The following PCDHGA12 variants were observed in gnomAD, a reference collection of about 807,000 sequenced individuals.
PCDHGA12 encodes the protein protocadherin gamma subfamily A, 12.
In PCDHGA12, 43 loss-of-function variants were observed where a neutral mutation model predicts 61.1. The ratio of observed to expected loss-of-function variants is 0.70; its 90% CI spans 0.55 to 0.91. PCDHGA12 has a LOEUF of 0.91. Ranked by LOEUF, PCDHGA12 falls within the 40% of genes least tolerant of loss-of-function variation. The pLI is 0.00. For synonymous variants in PCDHGA12, 520 were observed against 542.9 expected, an observed-to-expected ratio of 0.96 and a Z score of 0.59; for missense variants, 1,236 against 1,227.7, an observed-to-expected ratio of 1.01 and a Z score of -0.10.
At chr5:141,453,178 A>G (rs939398654) in intron 1 of PCDHGA12, among the ~76,000 whole-genome samples, 1 of 152,128 alleles carries the variant, frequency 6.6e-6, no homozygotes, top group African/African-American at 2.4e-5. Flanking sequence ...CAGTGGTACA[A>G]TCACAGCTCA....
At chr5:141,433,264 G>T in intron 1 of PCDHGA12, 81 bp downstream of exon 1, 1 of 1,314,872 alleles carries the variant, frequency 7.6e-7, no homozygotes, top group South Asian at 1.4e-5. Flanking sequence ...TACGATCATA[G>T]CTCACTGCAG....
chr5:141,485,805 T>C lies in PCDHGA12; in HGVS notation c.2425-9002T>C, dbSNP rs753916789. ...GAGAAGCAATCGGACTACCGCCTGG[T>C]GCTGACTGCTGTCGATGGAGGGAAC... On this transcript the variant is annotated intron_variant, in intron 1 of 3. Coordinates refer to ENST00000252085, the MANE Select transcript of PCDHGA12 (RefSeq NM_003735.3). The surrounding 1 kb of genome is among the most constrained non-coding windows in gnomAD (Gnocchi z 5.7). 1.2e-6 allele frequency: 2 copies of C among 1,614,198 alleles called. No individual in the cohort carries two copies. The highest frequency in any genetic ancestry group is 1.7e-6 in the Non-Finnish European group (2 of 1,180,026).
At chr5:141,500,250 C>T (rs913074120) in intron 2 of PCDHGA12, among the ~76,000 whole-genome samples, 4 of 149,826 alleles carry the variant, frequency 2.7e-5, no homozygotes, top group African/African-American at 9.9e-5. Flanking sequence ...GCTCTGTCAC[C>T]CAGGCTGGAC....
At chr5:141,509,319 G>A (rs1427191152) in intron 3 of PCDHGA12, among the ~76,000 whole-genome samples, 3 of 152,216 alleles carry the variant, frequency 2.0e-5, no homozygotes, top group African/African-American at 4.8e-5. Context: ...TGGGAGAGAA[G>A]CTCTACTGCC....
chr5:141,478,700 C>T (rs1171617240), intron 1 of PCDHGA12: 2 of 1,549,172 alleles, frequency 1.3e-6, no homozygotes, highest in South Asian at 1.2e-5. Flanking sequence ...AAAGTTAGTG[C>T]CTTTGTGAGA....
At position 141,494,934 on chromosome 5, in the gene PCDHGA12, T is replaced by C. The variant is rs2099757666; in HGVS notation, c.2483+69T>C. On this transcript the variant is annotated intron_variant, in intron 2 of 3. Transcript: ENST00000252085. ...TTCTCAGGGATGACGTGGGAGGAGA[T>C]GGGGGAGGGCCCAGCATTTGCTACA... 5.6e-6 allele frequency: 9 copies of C among 1,612,736 alleles called. No individual in the cohort carries two copies. The South Asian group carries it at 7.7e-5, about 14-fold the overall frequency.
At chr5:141,506,898 T>C (rs2099857040) in intron 3 of PCDHGA12, among the ~76,000 whole-genome samples, 1 of 152,260 alleles carries the variant, frequency 6.6e-6, no homozygotes, top group East Asian at 1.9e-4. Context: ...AGAAGCACTG[T>C]CATCACACCT....
Position 141,485,063 on chromosome 5 carries a change from A to C in PCDHGA12, c.2425-9744A>C. On this transcript the variant is annotated intron_variant, in intron 1 of 3. Transcript: ENST00000252085. This position sits in a 1 kb window ranked among gnomAD's most constrained non-coding sequence, Gnocchi z 5.7. ...CTTGCGGCGCCGGCCGAACCGCGCC[A>C]GAGCTGGCGCGGGGAAAGGGAGATA... is the stretch of plus-strand genomic sequence containing the variant. 2 of 874,986 alleles carry C rather than the reference A, an allele frequency of 2.3e-6. No individual in the cohort carries two copies. Among genetic ancestry groups the C allele is most frequent in the Non-Finnish European group, 3.6e-6 (2 of 551,278 alleles). 54.2% of individuals were successfully genotyped at this position (874,986 alleles called of 1,614,324 possible).
chr5:141,466,115 C>A (rs2099117208), intron 1 of PCDHGA12, among the ~76,000 whole-genome samples: 1 of 151,618 alleles, frequency 6.6e-6, no homozygotes, highest in African/African-American at 2.4e-5. Context: ...GAGTGAGACT[C>A]CAGCTCAAAA....
chr5:141,487,516 G>A lies in PCDHGA12; in HGVS notation c.2425-7291G>A, dbSNP rs2099648095. On this transcript the variant is annotated intron_variant, in intron 1 of 3. Coordinates refer to ENST00000252085, the MANE Select transcript of PCDHGA12 (RefSeq NM_003735.3). The surrounding 1 kb of genome is among the most constrained non-coding windows in gnomAD (Gnocchi z 5.0). ...CACCCTTGGCTTCTGCACCCACTCG[G>A]AGTGATAGCTTCATGATGGTGAAGT... 6.2e-7 allele frequency: 1 copy of A among 1,614,078 alleles called. No individual in the cohort carries two copies. The highest frequency in any genetic ancestry group is 1.7e-5 in the Admixed American group (1 of 60,010).
At chr5:141,457,280 A>G (rs964027392) in intron 1 of PCDHGA12, among the ~76,000 whole-genome samples, 2 of 152,196 alleles carry the variant, frequency 1.3e-5, no homozygotes, top group Admixed American at 1.3e-4. Context: ...TGGGCCTACG[A>G]AGTTCCTTGG....
chr5:141,477,378 C>A lies in PCDHGA12; in HGVS notation c.2425-17429C>A. On this transcript the variant is annotated intron_variant, in intron 1 of 3. Coordinates refer to ENST00000252085, the MANE Select transcript of PCDHGA12 (RefSeq NM_003735.3). This position sits in a 1 kb window ranked among gnomAD's most constrained non-coding sequence, Gnocchi z 4.9. ...GCAGACCTGGATCGGGAGACTGTGC[C>A]AGAATACAACCTCAGCATCACCGCC... 2 of 1,614,136 alleles carry A rather than the reference C, an allele frequency of 1.2e-6. No homozygotes were observed. Among genetic ancestry groups the A allele is most frequent in the Non-Finnish European group, 1.7e-6 (2 of 1,180,034 alleles).
intron 1 of PCDHGA12, among the ~76,000 whole-genome samples, chr5:141,444,880 G>A (rs527554886): frequency 6.6e-6 from 1 of 152,150 alleles, no homozygotes; most frequent in Non-Finnish European, 1.5e-5. Context: ...AAGCTTGTAG[G>A]ATTTTTGAAT....
At position 141,430,805 on chromosome 5, in the gene PCDHGA12, C is replaced by T. The variant is rs1445689047; in HGVS notation, c.46C>T (p.Leu16=). 1.3e-6 allele frequency: 2 copies of T among 1,525,722 alleles called. No individual in the cohort carries two copies. Among genetic ancestry groups the T allele is most frequent in the Admixed American group, 2.3e-5 (1 of 44,414 alleles). 94.5% of individuals were successfully genotyped at this position (1,525,722 alleles called of 1,614,324 possible). Residue 16 remains leucine (L), a synonymous_variant, in exon 1 of 4, where the codon CTG becomes TTG. Transcript: ENST00000252085. ...CCGGGACTACAAAGGGCTTGTCCTG[C>T]TGGGAATCCTCCTGGGGACTCTGTG... ...LHRDYKGLVL[L]GILLGTLWET...
chr5:141,505,911 A>C (rs2099849083), intron 3 of PCDHGA12, among the ~76,000 whole-genome samples: 1 of 152,154 alleles, frequency 6.6e-6, no homozygotes, highest in South Asian at 2.1e-4. Flanking sequence ...CAAAGCATAG[A>C]GTTCTGGGCC....
chr5:141,501,412 T>C (rs1479005426), intron 2 of PCDHGA12, among the ~76,000 whole-genome samples: 7 of 151,550 alleles, frequency 4.6e-5, no homozygotes, highest in African/African-American at 1.7e-4. Context: ...GCTTGGAAAA[T>C]AGTTGACTAA....
In PCDHGA12 at chr5:141,485,115, G is replaced by T. The variant is rs1043877839; in HGVS notation, c.2425-9692G>T. On this transcript the variant is annotated intron_variant, in intron 1 of 3. Transcript: ENST00000252085. This position sits in a 1 kb window ranked among gnomAD's most constrained non-coding sequence, Gnocchi z 5.7. ...GTGTCTCCAGCTGCTGTGGCTGTTT[G>T]GGGCGGGTCGGCTTCATCCGCGTCT... The T allele has an allele frequency of 3.8e-6, 5 of 1,300,464 alleles. No homozygotes were observed. The African/African-American group carries it at 5.8e-5, about 15-fold the overall frequency. The allele number at this position is 1,300,464 out of a possible 1,614,324, so 80.6% of individuals were successfully genotyped here.
At chr5:141,496,759 C>T (rs1287940646) in intron 2 of PCDHGA12, among the ~76,000 whole-genome samples, 2 of 152,038 alleles carry the variant, frequency 1.3e-5, no homozygotes, top group South Asian at 4.2e-4. Context: ...AAATATTTAT[C>T]GAGCATCTAC....
At chr5:141,481,913 CAAA>C (rs34114744) in intron 1 of PCDHGA12, among the ~76,000 whole-genome samples, 50 of 90,788 alleles carry the variant, frequency 5.5e-4, no homozygotes, top group African/African-American at 7.1e-4. Flanking sequence ...AACTCCATCT[CAAA>C]AAAAAAAAAA....
Sources: gnomAD v4.1 joint callset for allele counts (sites outside exome capture counted in the v4.1 genomes callset) on GRCh38, gnomAD v4.1.1 for gene constraint, Gnocchi (gnomAD v3.1) non-coding constraint, MANE v1.5 for transcripts, NCBI Gene and HGNC (gene_info 2026-07-23, HGNC 2026-07-21) for gene names.